CARMIL1: variants seen among roughly 807,000 people sequenced by gnomAD.
CARMIL1 encodes F-actin-uncapping protein LRRC16A.
CARMIL1 carries 90 observed loss-of-function variants against 177.1 expected under a neutral mutation model. The observed-to-expected ratio is 0.51, with a 90% CI of 0.43 to 0.61. CARMIL1 has a LOEUF of 0.61. CARMIL1 is among the 20% of genes least tolerant of loss of function. CARMIL1 has a pLI of 0.00. For missense variants in CARMIL1, 1,380 were observed against 1,667.0 expected (o/e 0.83, Z 3.00); for synonymous variants, 577 against 606.2 (o/e 0.95, Z 0.71).
chr6:25,285,261 T>C lies in CARMIL1; in HGVS notation c.138+352T>C, dbSNP rs114326994. On this transcript the variant is annotated intron_variant, in intron 2 of 36. Coordinates refer to ENST00000329474, the MANE Select transcript of CARMIL1 (RefSeq NM_017640.6). ...TGATCCTATGACTTTATTCATAAAG[T>C]CTTATGGAGGAGTTTAAAAAGTTCA... Among the ~76,000 whole-genome samples, 826 of 152,320 alleles carry C rather than the reference T, an allele frequency of 5.4e-3. 5 individuals are homozygous for C. The highest frequency in any genetic ancestry group is 0.018 in the African/African-American group (769 of 41,570).
rs1785134156 is a variant in CARMIL1 at position 25,326,678 on chromosome 6, A to G, written c.138+41769A>G. ...AAGTCCTTTGGATGATCTGATATAC[A>G]GAAAAGTTTGAGAACCACTGGTCTA... On this transcript the variant is annotated intron_variant, in intron 2 of 36. Coordinates refer to ENST00000329474, the MANE Select transcript of CARMIL1 (RefSeq NM_017640.6). The surrounding 1 kb of genome is among the most constrained non-coding windows in gnomAD (Gnocchi z 4.2). 6.6e-6 allele frequency among the ~76,000 whole-genome samples: 1 copy of G among 152,240 alleles called. No individual in the cohort carries two copies.
At chr6:25,425,082 A>G (rs1282744782) in intron 3 of CARMIL1, among the ~76,000 whole-genome samples, 1 of 152,228 alleles carries the variant, frequency 6.6e-6, no homozygotes, top group Non-Finnish European at 1.5e-5. Flanking sequence ...GATCTTGATA[A>G]TGATAGGCAA....
At chr6:25,520,718 A>G (rs1439165455) in intron 23 of CARMIL1, among the ~76,000 whole-genome samples, 2 of 152,090 alleles carry the variant, frequency 1.3e-5, no homozygotes, top group Non-Finnish European at 2.9e-5. Flanking sequence ...TCATCAAGAA[A>G]TTTAGAGTAT....
At chr6:25,297,866 G>A (rs1782542837) in intron 2 of CARMIL1, among the ~76,000 whole-genome samples, 1 of 152,166 alleles carries the variant, frequency 6.6e-6, no homozygotes, top group African/African-American at 2.4e-5. Flanking sequence ...TAATATTCTA[G>A]AGAGAGATGC....
At chr6:25,447,309 G>A (rs371750802) in intron 5 of CARMIL1, among the ~76,000 whole-genome samples, 2 of 152,192 alleles carry the variant, frequency 1.3e-5, no homozygotes, top group Non-Finnish European at 1.5e-5. Flanking sequence ...GTATTTAAAT[G>A]ATTTGATATG....
At chr6:25,452,443 C>T (rs538452147) in intron 8 of CARMIL1, 184 of 502,500 alleles carry the variant, frequency 3.7e-4, no homozygotes, top group African/African-American at 3.4e-3. Context: ...TGTTTGGTCT[C>T]AGCGTTTTTG....
At chr6:25,443,680 A>G (rs183467995) in intron 5 of CARMIL1, among the ~76,000 whole-genome samples, 270 of 152,356 alleles carry the variant, frequency 1.8e-3, no homozygotes, top group African/African-American at 6.3e-3. Context: ...AAAAAATGCT[A>G]ACAGTCACCT....
chr6:25,285,313 A>G (rs997208490), intron 2 of CARMIL1, among the ~76,000 whole-genome samples: 7 of 152,208 alleles, frequency 4.6e-5, no homozygotes, highest in Non-Finnish European at 7.3e-5. Flanking sequence ...TTACTTAATT[A>G]GATTTTCTCA....
intron 2 of CARMIL1, among the ~76,000 whole-genome samples, chr6:25,401,086 T>G (rs894983103): frequency 8.5e-5 from 13 of 152,200 alleles, no homozygotes; most frequent in African/African-American, 3.1e-4. Flanking sequence ...TCTCCATATA[T>G]AATATATTTA....
intron 8 of CARMIL1, chr6:25,451,986 G>GGGGGGGGGGGGGGGGGGGGCCC: frequency 8.9e-6 from 1 of 112,672 alleles, no homozygotes; most frequent in Non-Finnish European, 1.7e-5. Flanking sequence ...CTAGCATCTT[G>GGGGGGGGGGGGGGGGGGGGCCC]CCCCCCCCTC....
chr6:25,588,553 G>A (rs1046307206), intron 31 of CARMIL1, among the ~76,000 whole-genome samples: 6 of 152,218 alleles, frequency 3.9e-5, no homozygotes, highest in African/African-American at 1.4e-4. Context: ...ACTTGGCCAC[G>A]TGGCCACCTA....
chr6:25,455,677 C>G (rs1334635498), intron 8 of CARMIL1, among the ~76,000 whole-genome samples: 1 of 152,228 alleles, frequency 6.6e-6, no homozygotes, highest in Non-Finnish European at 1.5e-5. Flanking sequence ...TGGATTCTTA[C>G]ACGGTTCCAT....
chr6:25,494,656 CT>C (rs1451349383), intron 15 of CARMIL1, among the ~76,000 whole-genome samples: 1 of 152,202 alleles, frequency 6.6e-6, no homozygotes, highest in African/African-American at 2.4e-5. Flanking sequence ...ACTTTCTGTG[CT>C]GTTTTAGCTC....
At chr6:25,533,475 C>G (rs140820480) in intron 24 of CARMIL1, among the ~76,000 whole-genome samples, 72 of 152,266 alleles carry the variant, frequency 4.7e-4, no homozygotes, top group African/African-American at 1.7e-3. Context: ...TAAAGAGTAA[C>G]TGAGATAATG....
In CARMIL1 at chr6:25,295,214, A is replaced by G. The variant is rs575369004; in HGVS notation, c.138+10305A>G. ...TTCATATTTTTCTGTGCTAACTTAC[A>G]TAAAATATATGATATATTTTAAAAA... On this transcript the variant is annotated intron_variant, in intron 2 of 36. Transcript: ENST00000329474. 3.7e-3 allele frequency among the ~76,000 whole-genome samples: 559 copies of G among 152,078 alleles called. 2 individuals carry two copies. Among genetic ancestry groups the G allele is most frequent in the African/African-American group, 0.012 (508 of 41,408 alleles).
chr6:25,459,210 T>TTTTCTTTCTTTCCTTCTTTCTTTCTTTC (rs1799797514), intron 8 of CARMIL1, among the ~76,000 whole-genome samples: 2 of 80,136 alleles, frequency 2.5e-5, no homozygotes, highest in Non-Finnish European at 5.0e-5. Context: ...GATCCCAACT[T>TTTTCTTTCTTTCCTTCTTTCTTTCTTTC]TTTCTTTCTT....
At chr6:25,582,449 C>A (rs573504284) in intron 31 of CARMIL1, among the ~76,000 whole-genome samples, 121 of 152,258 alleles carry the variant, frequency 7.9e-4, no homozygotes, top group African/African-American at 2.6e-3. Context: ...TTCTGGATAT[C>A]CACTTGCCTC....
intron 2 of CARMIL1, among the ~76,000 whole-genome samples, chr6:25,311,959 A>C (rs1783857499): frequency 6.6e-6 from 1 of 152,256 alleles, no homozygotes; most frequent in African/African-American, 2.4e-5. Context: ...TAGTCAATAA[A>C]AGTAGTTTGA....
chr6:25,582,749 C>G (rs1813243185), intron 31 of CARMIL1, among the ~76,000 whole-genome samples: 1 of 152,076 alleles, frequency 6.6e-6, no homozygotes, highest in Non-Finnish European at 1.5e-5. Flanking sequence ...GTCTCTGTAA[C>G]TATCCACTTC....
Sources: gnomAD v4.1 joint callset for allele counts (sites outside exome capture counted in the v4.1 genomes callset) on GRCh38, gnomAD v4.1.1 for gene constraint, Gnocchi (gnomAD v3.1) non-coding constraint, MANE v1.5 for transcripts, NCBI Gene and HGNC (gene_info 2026-07-23, HGNC 2026-07-21) for gene names.